The following FAF1 variants were observed in gnomAD, a reference collection of about 807,000 sequenced individuals.
FAF1 encodes the protein Fas associated factor 1.
A neutral mutation model predicts 92.5 loss-of-function variants in FAF1; 25 were observed. The observed-to-expected ratio is 0.27, with a 90% confidence interval of 0.20 to 0.38. The LOEUF is 0.38. FAF1 is among the 10% of genes least tolerant of loss of function. The pLI is 1.00. For synonymous variants in FAF1, 234 were observed against 273.2 expected, an observed-to-expected ratio of 0.86 and a Z score of 1.42; for missense variants, 636 against 793.3, an observed-to-expected ratio of 0.80 and a Z score of 2.38.
chr1:50,495,241 C>A (rs997417795), intron 15 of FAF1, among the ~76,000 whole-genome samples: 1 of 152,108 alleles, frequency 6.6e-6, no homozygotes, highest in Non-Finnish European at 1.5e-5. Context: ...ATTAACCACT[C>A]CACCTTCCCC....
chr1:50,438,080 AATTAGAGTT>A lies in FAF1; in HGVS notation c.*3351_*3359del, dbSNP rs927499556. ...GATTCTTTGTAGACAAGCAGTGGAA[AATTAGAGTT>A]AGCACTTTAAGTCCTGACCCTTCTA... On this transcript the variant is annotated 3_prime_UTR_variant, in exon 19 of 19. Transcript: ENST00000396153. The A allele has an allele frequency of 2.6e-5, 4 of 152,046 alleles. No homozygotes were observed. Among genetic ancestry groups the A allele is most frequent in the Non-Finnish European group, 5.9e-5 (4 of 68,110 alleles). The allele number at this position is 152,046 out of a possible 1,614,324, so 9.4% of individuals were successfully genotyped here. A position where few individuals can be genotyped will look rare whatever the true frequency, so the allele number is the denominator to read the frequency against.
chr1:50,889,575 C>G (rs1452431853), intron 1 of FAF1, among the ~76,000 whole-genome samples: 1 of 152,164 alleles, frequency 6.6e-6, no homozygotes, highest in African/African-American at 2.4e-5. Flanking sequence ...TCTTTGTTCT[C>G]ATTGGTTTCA....
intron 1 of FAF1, among the ~76,000 whole-genome samples, chr1:50,950,141 A>G: frequency 6.6e-6 from 1 of 152,178 alleles, no homozygotes; most frequent in East Asian, 1.9e-4. Context: ...CACCTGTCCC[A>G]GATCACCATT....
chr1:50,638,445 CTTTTTT>C (rs35054798), intron 8 of FAF1, among the ~76,000 whole-genome samples: 3 of 131,628 alleles, frequency 2.3e-5, no homozygotes, highest in African/African-American at 5.8e-5. Flanking sequence ...TTTTCTTTTT[CTTTTTT>C]TTTTTTTTTT....
chr1:50,519,956 T>C (rs996819657), intron 15 of FAF1, among the ~76,000 whole-genome samples: 1 of 152,256 alleles, frequency 6.6e-6, no homozygotes, highest in African/African-American at 2.4e-5. Context: ...TTTGTTTGCA[T>C]GTCACTGATC....
chr1:50,560,747 A>C (rs929476706), intron 13 of FAF1, among the ~76,000 whole-genome samples: 2 of 152,234 alleles, frequency 1.3e-5, no homozygotes, highest in Non-Finnish European at 2.9e-5. Context: ...AGAATTAGAT[A>C]ATCTAAACCA....
chr1:50,661,371 C>T (rs1053885005), intron 7 of FAF1, among the ~76,000 whole-genome samples: 2 of 152,052 alleles, frequency 1.3e-5, no homozygotes, highest in East Asian at 1.9e-4. Flanking sequence ...ATCTGGCCCA[C>T]GATTCTTCAC....
chr1:50,788,063 C>G lies in FAF1; in HGVS notation c.304G>C (p.Asp102His), dbSNP rs764287331. ...CTGTCTCTGTATTCAACCCTGAAGTCCAGCATCCGAGGTTGCCTTTCTACA... is the reference window on the plus strand; with the variant it reads ...CTGTCTCTGTATTCAACCCTGAAGTGCAGCATCCGAGGTTGCCTTTCTACA... ...QIVERQPRML[D>H]FRVEYRDRNV... The change falls in exon 4 of 19, where the codon GAC becomes CAC. Residue 102 changes from aspartate to histidine, a missense_variant. Coordinates refer to ENST00000396153, the MANE Select transcript of FAF1 (RefSeq NM_007051.3). The G allele has an allele frequency of 6.2e-7, 1 of 1,614,138 alleles. No homozygotes were observed. The highest frequency in any genetic ancestry group is 8.5e-7 in the Non-Finnish European group (1 of 1,180,018).
intron 18 of FAF1, among the ~76,000 whole-genome samples, chr1:50,456,475 A>C (rs890206839): frequency 1.1e-4 from 16 of 152,164 alleles, no homozygotes; most frequent in Non-Finnish European, 2.2e-4. Flanking sequence ...GAAACCAGGA[A>C]TGTCACTATA....
At chr1:50,606,660 T>C (rs925616435) in intron 8 of FAF1, among the ~76,000 whole-genome samples, 2 of 151,908 alleles carry the variant, frequency 1.3e-5, no homozygotes, top group Admixed American at 1.3e-4. Flanking sequence ...CCACCACACC[T>C]GGCTAATTTT....
chr1:50,518,100 T>C (rs999339379), intron 15 of FAF1, among the ~76,000 whole-genome samples: 2 of 152,214 alleles, frequency 1.3e-5, no homozygotes, highest in Non-Finnish European at 2.9e-5. Context: ...AAATATCCCT[T>C]GTGGTATCCC....
Position 50,885,878 on chromosome 1 carries a change from C to T in FAF1, c.46-27881G>A, listed in dbSNP as rs189038167. Among the ~76,000 whole-genome samples, 56 of 152,118 alleles carry T rather than the reference C, an allele frequency of 3.7e-4. 4 individuals are homozygous for T. Among genetic ancestry groups the T allele is most frequent in the African/African-American group, 1.3e-3 (53 of 41,502 alleles). On this transcript the variant is annotated intron_variant, in intron 1 of 18. Transcript: ENST00000396153. ...TATGTTTTTATATTGGAGGTTACCACGAGGCTTCCAAATACTATCTTATAA... is the reference window on the plus strand; with the variant it reads ...TATGTTTTTATATTGGAGGTTACCATGAGGCTTCCAAATACTATCTTATAA...
At chr1:50,565,711 T>C (rs1286147104) in intron 13 of FAF1, among the ~76,000 whole-genome samples, 2 of 152,088 alleles carry the variant, frequency 1.3e-5, no homozygotes, top group Non-Finnish European at 2.9e-5. Flanking sequence ...TTTTTGTCAT[T>C]GTAAAATAAA....
intron 1 of FAF1, among the ~76,000 whole-genome samples, chr1:50,922,456 C>T (rs1313266132): frequency 6.9e-5 from 1 of 14,596 alleles, no homozygotes; most frequent in Non-Finnish European, 1.2e-4. Flanking sequence ...AAGACTCTGC[C>T]TCAAAAAAAA....
At chr1:50,876,630 G>A (rs993074120) in intron 1 of FAF1, among the ~76,000 whole-genome samples, 3 of 152,166 alleles carry the variant, frequency 2.0e-5, no homozygotes, top group African/African-American at 7.2e-5. Flanking sequence ...CTGTCACCCA[G>A]GCTGGAGTGC....
At chr1:50,487,897 T>C (rs996127923) in intron 17 of FAF1, among the ~76,000 whole-genome samples, 8 of 152,192 alleles carry the variant, frequency 5.3e-5, no homozygotes, top group Non-Finnish European at 7.4e-5. Context: ...TTGGTGACCA[T>C]AGGTAAACCA....
chr1:50,956,736 G>A (rs892725745), intron 1 of FAF1, among the ~76,000 whole-genome samples: 1 of 152,166 alleles, frequency 6.6e-6, no homozygotes, highest in African/African-American at 2.4e-5. Flanking sequence ...ATCACCTGAG[G>A]TCGGGGGTTC....
At chr1:50,892,922 C>T (rs1644731006) in intron 1 of FAF1, among the ~76,000 whole-genome samples, 4 of 152,086 alleles carry the variant, frequency 2.6e-5, no homozygotes, top group Admixed American at 2.6e-4. Flanking sequence ...TATTTTTAAG[C>T]AGGTTGTCTT....
At chr1:50,493,308 C>G (rs1646862022) in intron 15 of FAF1, among the ~76,000 whole-genome samples, 1 of 152,192 alleles carries the variant, frequency 6.6e-6, no homozygotes, top group Admixed American at 6.5e-5. Flanking sequence ...GCTAGGATTA[C>G]AGGCATGAGC....
Sources: allele counts gnomAD v4.1 joint callset (sites outside exome capture counted in the v4.1 genomes callset), GRCh38; gene constraint gnomAD v4.1.1; transcripts MANE v1.5; gene names NCBI Gene and HGNC (gene_info 2026-07-23, HGNC 2026-07-21).